The following OR1G1 variants were observed in gnomAD, a reference collection of about 807,000 sequenced individuals.
OR1G1 encodes the protein olfactory receptor 1G1.
For synonymous variants in OR1G1, 145 were observed against 149.6 expected (o/e 0.97, Z 0.22); for missense variants, 347 against 375.5 (o/e 0.92, Z 0.63).
chr17:3,127,531 G>C lies in OR1G1; in HGVS notation c.21C>G (p.Thr7=). The change falls in exon 1 of 1, where the codon ACC becomes ACG. Residue 7 remains threonine (T), a synonymous_variant. Transcript: ENST00000328890. Reference sequence around the variant, plus strand: ...CCAGGAGGAAACATTCTGAGATGCTGGTCAGATTTTTCCCCTCCATTTGTC... The same window carrying C: ...CCAGGAGGAAACATTCTGAGATGCTCGTCAGATTTTTCCCCTCCATTTGTC... MEGKNL[T]SISECFLLGF... is the part of the protein sequence containing the mutation. 1 of 1,613,120 alleles carries C rather than the reference G, an allele frequency of 6.2e-7. No homozygotes were observed. Among genetic ancestry groups the C allele is most frequent in the Non-Finnish European group, 8.5e-7 (1 of 1,179,570 alleles).
Position 3,127,040 on chromosome 17 carries a change from T to C in OR1G1, c.512A>G (p.Asn171Ser). 6.2e-7 allele frequency: 1 copy of C among 1,613,860 alleles called. No individual in the cohort carries two copies. Among genetic ancestry groups the C allele is most frequent in the South Asian group, 1.1e-5 (1 of 91,078 alleles). Residue 171 changes from asparagine (N) to serine (S), a missense_variant, in exon 1 of 1, where the codon AAC (asparagine) becomes AGC (serine). Physicochemically the swap from Asn to Ser is conservative, Grantham distance 46. Transcript: ENST00000328890. The stretch of plus-strand genomic sequence containing the variant: ...ACAGAAGAAGTGTGGGATCTCATGG[T>C]TTGCGCAGAAGGACAGGCTGTTCAT... The part of the protein sequence containing the change: ...LLMNSLSFCA[N>S]HEIPHFFCDI...
rs1174479206 is a variant in OR1G1, at chr17:3,127,076, T to G, written c.476A>C (p.His159Pro). 6.2e-7 allele frequency: 1 copy of G among 1,613,970 alleles called. No homozygotes were observed. Among genetic ancestry groups the G allele is most frequent in the Non-Finnish European group, 8.5e-7 (1 of 1,180,010 alleles). Residue 159 changes from histidine to proline, a missense_variant, in exon 1 of 1, where the codon CAC becomes CCC. His to Pro is a moderately conservative substitution (Grantham distance 77, BLOSUM62 -2). Coordinates refer to ENST00000328890, the MANE Select transcript of OR1G1 (RefSeq NM_003555.1). ...WIMNALHSLLHTLLMNSLSFC... is the reference protein window; with the variant it reads ...WIMNALHSLLPTLLMNSLSFC... ...GGACAGGCTGTTCATCAGAAGTGTG[T>G]GTAGAAGGGAGTGGAGGGCATTCAT... is the stretch of plus-strand genomic sequence containing the variant.
chr17:3,127,377 TG>T lies in OR1G1; in HGVS notation c.174del (p.Met59CysfsTer5). 6.2e-7 allele frequency: 1 copy of T among 1,613,918 alleles called. No individual in the cohort carries two copies. Among genetic ancestry groups the T allele is most frequent in the Middle Eastern group, 1.6e-4 (1 of 6,062 alleles). ...VIITDTQLHTPMYFFLANLSL... is the reference protein window; with the variant it reads ...VIITDTQLHTXMYFFLANLSL... ...GAGAGGTTGGCTAGAAAGAAGTACA[TG>T]GGGGTATGGAGTTGAGTGTCAGTAA... On this transcript the variant is annotated frameshift_variant, in exon 1 of 1. Transcript: ENST00000328890. LOFTEE classifies it low-confidence loss of function (END_TRUNC).
rs771425978 is a variant in OR1G1 at position 3,126,658 on chromosome 17, C to A, written c.894G>T (p.Lys298Asn). 1 of 1,598,768 alleles carries A rather than the reference C, an allele frequency of 6.3e-7. No individual in the cohort carries two copies. The highest frequency in any genetic ancestry group is 1.4e-5 in the African/African-American group (1 of 73,940). Residue 298 changes from lysine to asparagine, a missense_variant, in exon 1 of 1, where the codon AAG (lysine) becomes AAT (asparagine). Coordinates refer to ENST00000328890, the MANE Select transcript of OR1G1 (RefSeq NM_003555.1). ...CCCAGATTAACTTTCTCAGGGAAGA[C>A]TTTATTTCTTGGTTCCTCAAACTGT... ...FIYSLRNQEI[K>N]SSLRKLIWVR...
rs147119909 is a variant in OR1G1, at chr17:3,127,120, G to C, written c.432C>G (p.Leu144=). The C allele has an allele frequency of 1.2e-4, 188 of 1,614,088 alleles. No homozygotes were observed. The African/African-American group carries it at 2.4e-3, about 20-fold the overall frequency. The change falls in exon 1 of 1, where the codon CTC becomes CTG. Residue 144 remains leucine, a synonymous_variant. Transcript: ENST00000328890. The stretch of plus-strand genomic sequence containing the variant: ...CATTCATGATCCAGGATGCAGACAC[G>C]AGGAAGATGCAGAGCCCAGGGCTCA... ...LIMSPGLCIF[L]VSASWIMNAL...
chr17:3,127,351 G>A lies in OR1G1; in HGVS notation c.201C>T (p.Ser67=), dbSNP rs749049592. 4 of 1,614,058 alleles carry A rather than the reference G, an allele frequency of 2.5e-6. No individual in the cohort carries two copies. The South Asian group carries it at 4.4e-5, about 18-fold the overall frequency. ...TPMYFFLANL[S]LADACFVSTT... ...TGGACACAAAGCAGGCATCTGCAAG[G>A]GAGAGGTTGGCTAGAAAGAAGTACA... Residue 67 remains serine, a synonymous_variant, in exon 1 of 1, where the codon TCC becomes TCT. Coordinates refer to ENST00000328890, the MANE Select transcript of OR1G1 (RefSeq NM_003555.1).
chr17:3,126,648 T>C lies in OR1G1; in HGVS notation c.904A>G (p.Arg302Gly), dbSNP rs1209880950. The change falls in exon 1 of 1, where the codon AGA becomes GGA. Residue 302 changes from arginine to glycine, a missense_variant. By Grantham distance (125) the Arg-to-Gly change is moderately radical (BLOSUM62 -2). Transcript: ENST00000328890. ...ATTTTCCGAACCCAGATTAACTTTC[T>C]CAGGGAAGACTTTATTTCTTGGTTC... ...LRNQEIKSSL[R>G]KLIWVRKIHS... The C allele has an allele frequency of 6.3e-7, 1 of 1,592,818 alleles. No individual in the cohort carries two copies. The highest frequency in any genetic ancestry group is 1.4e-5 in the African/African-American group (1 of 73,656).
Position 3,126,968 on chromosome 17 carries a change from T to C in OR1G1, c.584A>G (p.Asn195Ser), listed in dbSNP as rs1284776891. The change falls in exon 1 of 1, where the codon AAT becomes AGT. Residue 195 changes from asparagine to serine, a missense_variant. Asn to Ser is a conservative substitution (Grantham distance 46). Transcript: ENST00000328890. ...CCCAGTGATGAAGATCACCAGCTCA[T>C]TGGTGAAGGGGTCTGTGCAGGACAG... The part of the protein sequence containing the change: ...LSLSCTDPFT[N>S]ELVIFITGGL... 1.9e-6 allele frequency: 3 copies of C among 1,613,864 alleles called. No homozygotes were observed. The highest frequency in any genetic ancestry group is 2.2e-5 in the East Asian group (1 of 44,872).
In OR1G1 at chr17:3,126,809, A is replaced by G; in HGVS notation, c.743T>C (p.Val248Ala). 6.2e-7 allele frequency: 1 copy of G among 1,614,032 alleles called. No homozygotes were observed. Among genetic ancestry groups the G allele is most frequent in the South Asian group, 1.1e-5 (1 of 91,056 alleles). The part of the protein sequence containing the change: ...FSTCSSHLSV[V>A]SLFFGTSFCV... Reference sequence around the variant, plus strand: ...AAAAGAAGTCCCAAAGAAGAGAGAGACCACGGAGAGATGAGAGCTGCAGGT... The same window carrying G: ...AAAAGAAGTCCCAAAGAAGAGAGAGGCCACGGAGAGATGAGAGCTGCAGGT... Residue 248 changes from valine to alanine, a missense_variant, in exon 1 of 1, where the codon GTC (valine) becomes GCC (alanine). By Grantham distance (64) the Val-to-Ala change is moderately conservative. Coordinates refer to ENST00000328890, the MANE Select transcript of OR1G1 (RefSeq NM_003555.1).
chr17:3,126,731 G>C lies in OR1G1; in HGVS notation c.821C>G (p.Ala274Gly), dbSNP rs1299625216. Residue 274 changes from alanine to glycine, a missense_variant, in exon 1 of 1, where the codon GCA (alanine) becomes GGA (glycine). By Grantham distance (60) the Ala-to-Gly change is moderately conservative. Transcript: ENST00000328890. ...AGTTACCACTGTGTACATCACTGAT[G>C]CAACTGTGTCCTTCTGGGCCGAGTG... Reference protein sequence around the residue: ...STHSAQKDTVASVMYTVVTPM... With the variant: ...STHSAQKDTVGSVMYTVVTPM... 1 of 1,614,146 alleles carries C rather than the reference G, an allele frequency of 6.2e-7. No individual in the cohort carries two copies. Among genetic ancestry groups the C allele is most frequent in the South Asian group, 1.1e-5 (1 of 91,086 alleles).
chr17:3,126,797 AAGAAG>A lies in OR1G1; in HGVS notation c.750_754del (p.Phe251TrpfsTer7). Reference sequence around the variant, plus strand: ...GAAATCAACACAAAAAGAAGTCCCAAAGAAGAGAGAGACCACGGAGAGATGAGAGC... The same window carrying A: ...GAAATCAACACAAAAAGAAGTCCCAAAGAGAGACCACGGAGAGATGAGAGC... On this transcript the variant is annotated frameshift_variant, in exon 1 of 1. Coordinates refer to ENST00000328890, the MANE Select transcript of OR1G1 (RefSeq NM_003555.1). LOFTEE classifies it low-confidence loss of function (END_TRUNC). 6.2e-7 allele frequency: 1 copy of A among 1,613,906 alleles called. No homozygotes were observed. Among genetic ancestry groups the A allele is most frequent in the Non-Finnish European group, 8.5e-7 (1 of 1,179,926 alleles).
At position 3,126,947 on chromosome 17, in the gene OR1G1, G is replaced by A. The variant is rs758786781; in HGVS notation, c.605C>T (p.Thr202Ile). Reference protein sequence around the residue: ...PFTNELVIFITGGLTGLICVL... With the variant: ...PFTNELVIFIIGGLTGLICVL... ...ACAAATGAGTCCTGTGAGACCCCCAGTGATGAAGATCACCAGCTCATTGGT... is the reference window on the plus strand; with the variant it reads ...ACAAATGAGTCCTGTGAGACCCCCAATGATGAAGATCACCAGCTCATTGGT... The change falls in exon 1 of 1, where the codon ACT becomes ATT. Residue 202 changes from threonine (T) to isoleucine (I), a missense_variant. Thr to Ile is a moderately conservative substitution (Grantham distance 89). Coordinates refer to ENST00000328890, the MANE Select transcript of OR1G1 (RefSeq NM_003555.1). 7 of 1,614,154 alleles carry A rather than the reference G, an allele frequency of 4.3e-6. No individual in the cohort carries two copies. The South Asian group carries it at 6.6e-5, about 15-fold the overall frequency.
rs1055722875 is a variant in OR1G1, at chr17:3,127,368, A to T, written c.184T>A (p.Phe62Ile). The T allele has an allele frequency of 6.2e-7, 1 of 1,614,074 alleles. No individual in the cohort carries two copies. The highest frequency in any genetic ancestry group is 1.3e-5 in the African/African-American group (1 of 74,938). Reference sequence around the variant, plus strand: ...TCTGCAAGGGAGAGGTTGGCTAGAAAGAAGTACATGGGGGTATGGAGTTGA... The same window carrying T: ...TCTGCAAGGGAGAGGTTGGCTAGAATGAAGTACATGGGGGTATGGAGTTGA... Reference protein sequence around the residue: ...DTQLHTPMYFFLANLSLADAC... With the variant: ...DTQLHTPMYFILANLSLADAC... The change falls in exon 1 of 1, where the codon TTT (phenylalanine) becomes ATT (isoleucine). Residue 62 changes from phenylalanine to isoleucine, a missense_variant. By Grantham distance (21) the Phe-to-Ile change is conservative (BLOSUM62 0). Transcript: ENST00000328890.
At position 3,127,357 on chromosome 17, in the gene OR1G1, G is replaced by A. The variant is rs1457822613; in HGVS notation, c.195C>T (p.Asn65=). The change falls in exon 1 of 1, where the codon AAC becomes AAT. Residue 65 remains asparagine, a synonymous_variant. Coordinates refer to ENST00000328890, the MANE Select transcript of OR1G1 (RefSeq NM_003555.1). ...CAAAGCAGGCATCTGCAAGGGAGAGGTTGGCTAGAAAGAAGTACATGGGGG... is the reference window on the plus strand; with the variant it reads ...CAAAGCAGGCATCTGCAAGGGAGAGATTGGCTAGAAAGAAGTACATGGGGG... ...LHTPMYFFLA[N]LSLADACFVS... 1 of 1,614,056 alleles carries A rather than the reference G, an allele frequency of 6.2e-7. No homozygotes were observed. Among genetic ancestry groups the A allele is most frequent in the African/African-American group, 1.3e-5 (1 of 74,904 alleles).
In OR1G1 at chr17:3,126,835, G is replaced by A; in HGVS notation, c.717C>T (p.Ser239=). The part of the protein sequence containing the change: ...PSAQGKRKAF[S]TCSSHLSVVS... The stretch of plus-strand genomic sequence containing the variant: ...CCACGGAGAGATGAGAGCTGCAGGT[G>A]GAAAAGGCTTTCCGCTTCCCCTGAG... The change falls in exon 1 of 1, where the codon TCC becomes TCT. Residue 239 remains serine (S), a synonymous_variant. Transcript: ENST00000328890. 1 of 1,614,122 alleles carries A rather than the reference G, an allele frequency of 6.2e-7. No homozygotes were observed. The highest frequency in any genetic ancestry group is 8.5e-7 in the Non-Finnish European group (1 of 1,180,024).
Position 3,126,918 on chromosome 17 carries a change from GC to G in OR1G1, c.633del (p.Leu212PhefsTer3), listed in dbSNP as rs2047999992. The part of the protein sequence containing the change: ...ITGGLTGLIC[V>X]LCLIISYTNV... ...TTCGTGTAAGAGATAATCAGGCAAA[GC>G]ACACAAATGAGTCCTGTGAGACCCC... On this transcript the variant is annotated frameshift_variant, in exon 1 of 1. Transcript: ENST00000328890. LOFTEE classifies it low-confidence loss of function (END_TRUNC). 1 of 1,614,048 alleles carries G rather than the reference GC, an allele frequency of 6.2e-7. No individual in the cohort carries two copies. The highest frequency in any genetic ancestry group is 1.1e-5 in the South Asian group (1 of 91,090).
At position 3,127,298 on chromosome 17, in the gene OR1G1, A is replaced by G; in HGVS notation, c.254T>C (p.Ile85Thr). 6.2e-7 allele frequency: 1 copy of G among 1,614,170 alleles called. No individual in the cohort carries two copies. The highest frequency in any genetic ancestry group is 8.5e-7 in the Non-Finnish European group (1 of 1,180,046). ...STTVPKMLAN[I>T]QIQSQAISYS... is the part of the protein sequence containing the mutation. ...GGAGATGGCCTGACTCTGGATCTGT[A>G]TGTTTGCCAGCATCTTAGGGACTGT... The change falls in exon 1 of 1, where the codon ATA (isoleucine) becomes ACA (threonine). Residue 85 changes from isoleucine (I) to threonine (T), a missense_variant. Coordinates refer to ENST00000328890, the MANE Select transcript of OR1G1 (RefSeq NM_003555.1).
At position 3,127,204 on chromosome 17, in the gene OR1G1, CG is replaced by C; in HGVS notation, c.347del (p.Ala116GlyfsTer19). The C allele has an allele frequency of 1.9e-6, 3 of 1,614,094 alleles. No homozygotes were observed. The South Asian group carries it at 3.3e-5, about 18-fold the overall frequency. ...CCACGTAGCAGTCATAGGCCATGACCGCCAAGAGGAATGCCTCCAGCATCAC... is the reference window on the plus strand; with the variant it reads ...CCACGTAGCAGTCATAGGCCATGACCCCAAGAGGAATGCCTCCAGCATCAC... Reference protein sequence around the residue: ...LFVMLEAFLLAVMAYDCYVAI... With the variant: ...LFVMLEAFLLXVMAYDCYVAI... On this transcript the variant is annotated frameshift_variant, in exon 1 of 1. Coordinates refer to ENST00000328890, the MANE Select transcript of OR1G1 (RefSeq NM_003555.1). LOFTEE classifies it low-confidence loss of function (END_TRUNC).
rs535244891 is a variant in OR1G1 at position 3,127,346 on chromosome 17, G to T, written c.206C>A (p.Ala69Glu). 7 of 1,614,190 alleles carry T rather than the reference G, an allele frequency of 4.3e-6. No individual in the cohort carries two copies. The East Asian group carries it at 8.9e-5, about 21-fold the overall frequency. Residue 69 changes from alanine to glutamate, a missense_variant, in exon 1 of 1, where the codon GCA becomes GAA. Transcript: ENST00000328890. ...TGTGGTGGACACAAAGCAGGCATCT[G>T]CAAGGGAGAGGTTGGCTAGAAAGAA... The part of the protein sequence containing the change: ...MYFFLANLSL[A>E]DACFVSTTVP...
Sources: allele counts gnomAD v4.1 joint callset, GRCh38; gene constraint gnomAD v4.1.1; transcripts MANE v1.5; gene names NCBI Gene and HGNC (gene_info 2026-07-23, HGNC 2026-07-21).